The following KTN1 variants were observed in gnomAD, a reference collection of about 807,000 sequenced individuals.
KTN1 encodes kinectin 1, also known as kinectin.
Under a neutral mutation model 222.5 loss-of-function variants are expected in KTN1, and 130 were observed. That is an observed-to-expected ratio of 0.58 (90% confidence interval 0.51 to 0.68). KTN1 has a LOEUF of 0.68. Among genes scored for constraint, KTN1 ranks in the 30% least tolerant of loss-of-function variants. KTN1 has a pLI of 0.00. For missense variants in KTN1, 1,508 were observed against 1,500.4 expected (o/e 1.01, Z -0.08); for synonymous variants, 512 against 496.3 (o/e 1.03, Z -0.42).
intron 3 of KTN1, among the ~76,000 whole-genome samples, chr14:55,617,208 C>T (rs374875590): frequency 4.6e-5 from 7 of 151,894 alleles, no homozygotes; most frequent in African/African-American, 1.7e-4. Context: ...GAAATATTAC[C>T]TGAATATATT....
chr14:55,633,139 G>T (rs140303578), intron 7 of KTN1, 96 bp from the exon 8 acceptor site: 132 of 515,152 alleles, frequency 2.6e-4, no homozygotes, highest in African/African-American at 2.3e-3. Context: ...TCATTCTATT[G>T]ATGTTTTTTA....
At chr14:55,629,143 G>A (rs528642191) in intron 6 of KTN1, among the ~76,000 whole-genome samples, 4 of 152,228 alleles carry the variant, frequency 2.6e-5, no homozygotes, top group African/African-American at 9.6e-5. Flanking sequence ...GTGGCCGGGC[G>A]CAGTGGCTCA....
intron 1 of KTN1, among the ~76,000 whole-genome samples, chr14:55,599,131 A>G (rs1388843961): frequency 2.0e-5 from 3 of 152,144 alleles, no homozygotes; most frequent in Non-Finnish European, 4.4e-5. Context: ...GTCTGTGTAC[A>G]TATGTATGTA....
intron 1 of KTN1, among the ~76,000 whole-genome samples, chr14:55,585,997 T>C (rs1404516372): frequency 1.3e-5 from 2 of 152,222 alleles, no homozygotes; most frequent in African/African-American, 4.8e-5. Context: ...TCAGGAGACA[T>C]GATGTTACAC....
chr14:55,619,286 G>T lies in KTN1; in HGVS notation c.937G>T (p.Gly313Cys), dbSNP rs1437833845. ...CVVDLLKEKS[G>C]VIQDALKKSS... ...TGTAGACTTGCTAAAGGAGAAGTCTGGTGTAATACAAGATGCTTTAAAGAA... is the reference window on the plus strand; with the variant it reads ...TGTAGACTTGCTAAAGGAGAAGTCTTGTGTAATACAAGATGCTTTAAAGAA... The change falls in exon 5 of 44, where the codon GGT becomes TGT. Residue 313 changes from glycine (G) to cysteine (C), a missense_variant. By Grantham distance (159) the Gly-to-Cys change is radical. Transcript: ENST00000395314. The T allele has an allele frequency of 6.2e-7, 1 of 1,613,424 alleles. No individual in the cohort carries two copies. The highest frequency in any genetic ancestry group is 1.7e-5 in the Admixed American group (1 of 60,006).
intron 1 of KTN1, among the ~76,000 whole-genome samples, chr14:55,598,588 A>G (rs530788562): frequency 6.6e-6 from 1 of 152,208 alleles, no homozygotes; most frequent in South Asian, 2.1e-4. Flanking sequence ...AATGTTGATC[A>G]GTTTTGTTTG....
At chr14:55,632,085 C>T (rs1247699723) in intron 7 of KTN1, among the ~76,000 whole-genome samples, 6 of 152,184 alleles carry the variant, frequency 3.9e-5, no homozygotes, top group African/African-American at 1.4e-4. Flanking sequence ...ACCCTATCCA[C>T]TGCTTTTAGC....
chr14:55,661,319 A>G (rs2044116247), intron 31 of KTN1: 2 of 454,142 alleles, frequency 4.4e-6, no homozygotes, highest in East Asian at 3.5e-5. Context: ...CATATTAGGC[A>G]TAAAAACTTA....
Position 55,631,341 on chromosome 14 carries a change from G to GATATATATATATATAT in KTN1, c.1221+1257_1221+1272dup, listed in dbSNP as rs56190231. Among the ~76,000 whole-genome samples, 212 of 114,658 alleles carry GATATATATATATATAT rather than the reference G, an allele frequency of 1.8e-3. 5 individuals are homozygous for GATATATATATATATAT. Among genetic ancestry groups the GATATATATATATATAT allele is most frequent in the African/African-American group, 5.8e-3 (159 of 27,480 alleles). The allele number at this position is 114,658 out of a possible 152,430, so 75.2% of individuals were successfully genotyped here. A position where few individuals can be genotyped will look rare whatever the true frequency, so the allele number is the denominator to read the frequency against. The stretch of plus-strand genomic sequence containing the variant: ...CTAAAACTCACCTATTGATAAGGTT[G>GATATATATATATATAT]ATATATATATATATATATATATATA... On this transcript the variant is annotated intron_variant, in intron 7 of 43. Transcript: ENST00000395314.
At chr14:55,617,375 C>T (rs2038540534) in intron 3 of KTN1, among the ~76,000 whole-genome samples, 1 of 152,138 alleles carries the variant, frequency 6.6e-6, no homozygotes, top group Non-Finnish European at 1.5e-5. Flanking sequence ...GATGTTCAAA[C>T]TCTTCAAATT....
chr14:55,668,236 AACTT>A (rs1465180703), intron 34 of KTN1: 1 of 152,148 alleles, frequency 6.6e-6, no homozygotes, highest in African/African-American at 2.4e-5. Flanking sequence ...ATTAAATAAT[AACTT>A]ACTGTAGTTT....
Position 55,639,982 on chromosome 14 carries a change from A to G in KTN1, c.1893A>G (p.Thr631=), listed in dbSNP as rs1169406448. 1.9e-6 allele frequency: 3 copies of G among 1,602,354 alleles called. No individual in the cohort carries two copies. Among genetic ancestry groups the G allele is most frequent in the Middle Eastern group, 1.7e-4 (1 of 6,008 alleles). The change falls in exon 14 of 44, where the codon ACA becomes ACG. Residue 631 remains threonine (T), a synonymous_variant. Coordinates refer to ENST00000395314, the MANE Select transcript of KTN1 (RefSeq NM_001079521.2). The part of the protein sequence containing the change: ...DSLASERDRL[T]SKEEELKDIQ... The stretch of plus-strand genomic sequence containing the variant: ...TAGCAAGTGAACGTGATCGTTTAAC[A>G]AGTAAAGAAGAGGAACTTAAGGTAT...
chr14:55,658,406 T>C (rs1324115683), intron 29 of KTN1, 140 bp from the exon 30 acceptor site: 16 of 614,460 alleles, frequency 2.6e-5, no homozygotes. Context: ...TATGTTTTAA[T>C]AAAGAGCTTA....
rs761320697 is a variant in KTN1, at chr14:55,667,246, G to A, written c.3183G>A (p.Arg1061=). The A allele has an allele frequency of 1.5e-5, 24 of 1,592,584 alleles. No homozygotes were observed. The highest frequency in any genetic ancestry group is 1.9e-5 in the Non-Finnish European group (22 of 1,167,554). Residue 1061 remains arginine, a synonymous_variant, in exon 34 of 44, where the codon AGG becomes AGA. Transcript: ENST00000395314. ...TGGCTCATCTTCTGCTTTAGGAAAG[G>A]CAGCAACAGGTGGAAGCTGTTGAGT... The part of the protein sequence containing the change: ...QDKVNKTSKE[R]QQQVEAVELE...
At chr14:55,637,390 T>TTAA in intron 11 of KTN1, 26 bp downstream of exon 11, 1 of 1,320,478 alleles carries the variant, frequency 7.6e-7, no homozygotes, top group Non-Finnish European at 1.0e-6. Context: ...TTTTTTTTTT[T>TTAA]AAAAAAATAC....
At chr14:55,622,471 C>T (rs2039286281) in intron 5 of KTN1, among the ~76,000 whole-genome samples, 1 of 152,154 alleles carries the variant, frequency 6.6e-6, no homozygotes, top group African/African-American at 2.4e-5. Flanking sequence ...ACTATAATAT[C>T]ATATGTACTA....
At chr14:55,591,588 T>TC (rs1430278946) in intron 1 of KTN1, among the ~76,000 whole-genome samples, 2 of 120,286 alleles carry the variant, frequency 1.7e-5, no homozygotes, top group Admixed American at 1.7e-4. Flanking sequence ...TTTCTTTTTT[T>TC]TTTTTTTTTT....
rs920570770 is a variant in KTN1 at position 55,581,913 on chromosome 14, C to CT, written c.-31+1568dup. Among the ~76,000 whole-genome samples the CT allele has an allele frequency of 1.6e-4, 23 of 146,104 alleles. No individual in the cohort carries two copies. In the East Asian group the frequency reaches 1.8e-3, roughly 11 times the overall value. On this transcript the variant is annotated intron_variant, in intron 1 of 43. Transcript: ENST00000395314. ...AGGCTCTTTTTTTTTTTCCTTTTTC[C>CT]TTTTTTTTTAGTTTAAGGATCTAAC...
chr14:55,672,104 T>C (rs912845577), intron 37 of KTN1: 17 of 444,268 alleles, frequency 3.8e-5, no homozygotes, highest in Admixed American at 1.6e-4. Flanking sequence ...GGTAATCATA[T>C]AGAATGTAGA....
Sources: gnomAD v4.1 joint callset for allele counts (sites outside exome capture counted in the v4.1 genomes callset) on GRCh38, gnomAD v4.1.1 for gene constraint, MANE v1.5 for transcripts, NCBI Gene and HGNC (gene_info 2026-07-23, HGNC 2026-07-21) for gene names.